The following CFAP299 variants were observed in gnomAD, a reference collection of about 807,000 sequenced individuals.
CFAP299 encodes cilia- and flagella-associated protein 299.
In CFAP299, 21 loss-of-function variants were observed where a neutral mutation model predicts 27.0. The observed-to-expected ratio is 0.78, with a 90% CI of 0.55 to 1.12. CFAP299 has a LOEUF of 1.12. Among genes scored for constraint, CFAP299 ranks in the 50% most tolerant of loss-of-function variants. The pLI is 0.00. For synonymous variants in CFAP299, 104 were observed against 98.1 expected, an observed-to-expected ratio of 1.06 and a Z score of -0.36; for missense variants, 310 against 276.6, an observed-to-expected ratio of 1.12 and a Z score of -0.86.
intron 3 of CFAP299, among the ~76,000 whole-genome samples, chr4:80,761,317 G>A (rs1055143326): frequency 6.6e-6 from 1 of 151,832 alleles, no homozygotes; most frequent in African/African-American, 2.4e-5. Context: ...TTACTTCTGG[G>A]TGGTCACTAT....
At chr4:80,566,265 A>G (rs1735278220) in intron 2 of CFAP299, among the ~76,000 whole-genome samples, 2 of 152,054 alleles carry the variant, frequency 1.3e-5, no homozygotes, top group Admixed American at 1.3e-4. Context: ...ATCATGCAAT[A>G]AGCCTTTCTA....
chr4:80,951,453 G>A (rs373839163), intron 5 of CFAP299, among the ~76,000 whole-genome samples: 1 of 152,122 alleles, frequency 6.6e-6, no homozygotes, highest in Non-Finnish European at 1.5e-5. Flanking sequence ...GTTCACAATT[G>A]TTCAAACATA....
intron 2 of CFAP299, among the ~76,000 whole-genome samples, chr4:80,545,544 C>T (rs1734185840): frequency 1.3e-5 from 2 of 152,008 alleles, no homozygotes; most frequent in Non-Finnish European, 2.9e-5. Flanking sequence ...AATATTGAAC[C>T]AGAATGAAAT....
rs1472604034 is a variant in CFAP299, at chr4:80,837,234, C to T, written c.334-32759C>T. Among the ~76,000 whole-genome samples the T allele has an allele frequency of 7.2e-5, 11 of 152,186 alleles. No homozygotes were observed. In the East Asian group the frequency reaches 1.9e-3, roughly 27 times the overall value. ...TTTACCTGTAATTCTTCTTATAGTTCATTAAATTCTACTGTCACCAAGTTA... is the reference window on the plus strand; with the variant it reads ...TTTACCTGTAATTCTTCTTATAGTTTATTAAATTCTACTGTCACCAAGTTA... On this transcript the variant is annotated intron_variant, in intron 3 of 5. Coordinates refer to ENST00000358105, the MANE Select transcript of CFAP299 (RefSeq NM_152770.3).
intron 3 of CFAP299, among the ~76,000 whole-genome samples, chr4:80,634,011 A>C (rs1207302044): frequency 6.9e-6 from 1 of 144,102 alleles, no homozygotes; most frequent in Non-Finnish European, 1.5e-5. Flanking sequence ...TTTTTACGAA[A>C]TCTAGCTCTG....
At chr4:80,949,488 A>T (rs1737653247) in intron 5 of CFAP299, among the ~76,000 whole-genome samples, 1 of 151,922 alleles carries the variant, frequency 6.6e-6, no homozygotes, top group South Asian at 2.1e-4. Context: ...GATGATTAGA[A>T]ATTGAACTAG....
At chr4:80,568,863 T>C (rs1038612279) in intron 2 of CFAP299, among the ~76,000 whole-genome samples, 2 of 152,142 alleles carry the variant, frequency 1.3e-5, no homozygotes, top group Non-Finnish European at 2.9e-5. Flanking sequence ...AGTGTACATG[T>C]AATTAGGTTA....
chr4:80,339,751 G>T (rs767759154), intron 1 of CFAP299, among the ~76,000 whole-genome samples: 3 of 151,992 alleles, frequency 2.0e-5, no homozygotes, highest in Non-Finnish European at 4.4e-5. Flanking sequence ...AAAAGTTTTG[G>T]CAAAATTATT....
At chr4:80,470,114 A>T (rs1389960058) in intron 2 of CFAP299, among the ~76,000 whole-genome samples, 1 of 152,154 alleles carries the variant, frequency 6.6e-6, no homozygotes, top group East Asian at 1.9e-4. Flanking sequence ...GTAGTACCAC[A>T]GAGTAGTGAA....
At chr4:80,391,451 G>T (rs1725476929) in intron 2 of CFAP299, among the ~76,000 whole-genome samples, 1 of 152,102 alleles carries the variant, frequency 6.6e-6, no homozygotes, top group African/African-American at 2.4e-5. Context: ...GTTCCGATTT[G>T]CTTTCCCTGA....
intron 1 of CFAP299, among the ~76,000 whole-genome samples, chr4:80,352,807 C>T (rs548398810): frequency 1.3e-5 from 2 of 151,698 alleles, no homozygotes; most frequent in South Asian, 2.1e-4. Flanking sequence ...CAACATAGTT[C>T]TAAATAACGC....
chr4:80,800,761 G>GTATATATATA (rs1553893592), intron 3 of CFAP299, among the ~76,000 whole-genome samples: 3 of 128,484 alleles, frequency 2.3e-5, no homozygotes, highest in African/African-American at 9.7e-5. Context: ...GTGTGTGTGT[G>GTATATATATA]TGTGTGTATA....
intron 3 of CFAP299, among the ~76,000 whole-genome samples, chr4:80,861,366 G>C (rs913222186): frequency 3.3e-5 from 5 of 152,166 alleles, no homozygotes; most frequent in African/African-American, 1.2e-4. Flanking sequence ...CGCTTCCCAA[G>C]TGAGGCAATG....
chr4:80,793,705 C>T (rs1456858620), intron 3 of CFAP299, among the ~76,000 whole-genome samples: 2 of 152,090 alleles, frequency 1.3e-5, no homozygotes, highest in East Asian at 1.9e-4. Flanking sequence ...GATATGAAGT[C>T]AATAAATCTT....
chr4:80,863,129 C>A (rs1732485456), intron 3 of CFAP299, among the ~76,000 whole-genome samples: 2 of 151,220 alleles, frequency 1.3e-5, no homozygotes, highest in African/African-American at 2.4e-5. Flanking sequence ...AAGAACTTAG[C>A]TTTGTTTGAC....
the CFAP299 span, among the ~76,000 whole-genome samples, chr4:80,327,841 A>C: frequency 1.4e-5 from 2 of 141,720 alleles, no homozygotes; most frequent in South Asian, 4.6e-4. Context: ...GCCCAGGATT[A>C]AGCTCTGGAA....
At chr4:80,504,505 A>ATATAT (rs1483255216) in intron 2 of CFAP299, among the ~76,000 whole-genome samples, 2 of 110,176 alleles carry the variant, frequency 1.8e-5, no homozygotes, top group Non-Finnish European at 1.9e-5. Context: ...ATATATATAT[A>ATATAT]TTTTCCTTTG....
intron 2 of CFAP299, among the ~76,000 whole-genome samples, chr4:80,517,936 TGGGTGCC>T (rs1732667949): frequency 6.6e-6 from 1 of 152,090 alleles, no homozygotes. Flanking sequence ...ATTAAGAAAC[TGGGTGCC>T]TTGCTGAGAT....
chr4:80,335,323 ATTATT>A (rs1479758306), upstream of CFAP299, among the ~76,000 whole-genome samples: 2 of 152,126 alleles, frequency 1.3e-5, no homozygotes, highest in African/African-American at 2.4e-5. Flanking sequence ...TAACAAAATC[ATTATT>A]TTATTATTGT....
Sources: allele counts gnomAD v4.1 joint callset (sites outside exome capture counted in the v4.1 genomes callset), GRCh38; gene constraint gnomAD v4.1.1; transcripts MANE v1.5; gene names NCBI Gene and HGNC (gene_info 2026-07-23, HGNC 2026-07-21).